Variants in ECT2 observed in about 807,000 individuals in gnomAD.
ECT2 encodes the protein epithelial cell transforming 2, also known as protein ECT2.
ECT2 carries 61 observed loss-of-function variants against 116.9 expected under a neutral mutation model. The ratio of observed to expected loss-of-function variants is 0.52; its 90% CI spans 0.42 to 0.65. The LOEUF is 0.65. ECT2 is among the 30% of genes least tolerant of loss of function. The pLI is 0.00. For missense variants in ECT2, 937 were observed against 1,078.7 expected (o/e 0.87, Z 1.84); for synonymous variants, 358 against 346.4 (o/e 1.03, Z -0.37).
intron 14 of ECT2, among the ~76,000 whole-genome samples, chr3:172,776,175 A>G (rs996968149): frequency 5.9e-4 from 87 of 146,642 alleles, no homozygotes; most frequent in African/African-American, 2.1e-3. Context: ...ATGGTACTTC[A>G]ACTATTAGTT....
chr3:172,759,184 A>T (rs1396776433), intron 6 of ECT2, 115 bp downstream of exon 6: 2 of 671,174 alleles, frequency 3.0e-6, no homozygotes, highest in African/African-American at 3.7e-5. Context: ...AGGATAACTT[A>T]TTATGGCTAT....
chr3:172,768,350 G>A (rs1015885522), intron 12 of ECT2, among the ~76,000 whole-genome samples: 3 of 152,022 alleles, frequency 2.0e-5, no homozygotes, highest in Admixed American at 2.0e-4. Flanking sequence ...ATTCTGCCAT[G>A]TTTGCTTTAG....
At chr3:172,793,352 A>T (rs939955476) in intron 18 of ECT2, among the ~76,000 whole-genome samples, 2 of 151,748 alleles carry the variant, frequency 1.3e-5, no homozygotes, top group African/African-American at 2.4e-5. Context: ...TTTAGTAGAG[A>T]CGGGGTTTCC....
chr3:172,824,903 T>C (rs1394666120), downstream of ECT2, among the ~76,000 whole-genome samples: 2 of 152,138 alleles, frequency 1.3e-5, no homozygotes, highest in Non-Finnish European at 2.9e-5. Context: ...AAAAACTACA[T>C]GTGGGATTAC....
At chr3:172,794,174 C>T (rs1038755766) in intron 18 of ECT2, among the ~76,000 whole-genome samples, 2 of 150,816 alleles carry the variant, frequency 1.3e-5, no homozygotes, top group African/African-American at 2.5e-5. Context: ...TTGTCTAACC[C>T]AAGGTCACAA....
At chr3:172,809,344 A>C (rs1396978027) in intron 22 of ECT2, among the ~76,000 whole-genome samples, 1 of 152,164 alleles carries the variant, frequency 6.6e-6, no homozygotes, top group Non-Finnish European at 1.5e-5. Context: ...TTCATAAGTA[A>C]AATTAGCCAC....
intron 22 of ECT2, among the ~76,000 whole-genome samples, chr3:172,811,307 C>T (rs1728734952): frequency 6.6e-6 from 1 of 152,082 alleles, no homozygotes; most frequent in African/African-American, 2.4e-5. Flanking sequence ...TGCACTTTTG[C>T]CTGTGATTTA....
intron 5 of ECT2, 92 bp from the exon 6 acceptor site, chr3:172,758,888 A>G (rs1235523476): frequency 1.0e-5 from 11 of 1,102,242 alleles, no homozygotes; most frequent in Non-Finnish European, 1.5e-5. Flanking sequence ...TTGAATGGCA[A>G]GAGGGGAAAT....
intron 2 of ECT2, 31 bp downstream of exon 2, chr3:172,754,691 A>G (rs750066658): frequency 6.6e-7 from 1 of 1,517,906 alleles, no homozygotes; most frequent in East Asian, 2.3e-5. Flanking sequence ...AAAACAATCA[A>G]TTTCTATTTT....
chr3:172,786,212 CTT>C (rs1360390688), intron 17 of ECT2, among the ~76,000 whole-genome samples: 1 of 152,064 alleles, frequency 6.6e-6, no homozygotes. Context: ...TATGGAGAGA[CTT>C]TGAGGAATTT....
chr3:172,760,092 A>G, intron 6 of ECT2, 64 bp from the exon 7 acceptor site: 4 of 1,035,262 alleles, frequency 3.9e-6, no homozygotes, highest in Non-Finnish European at 5.7e-6. Flanking sequence ...ATGTGGGGTA[A>G]ACATAGTTTA....
At chr3:172,753,444 CT>C (rs1198695109) in intron 1 of ECT2, among the ~76,000 whole-genome samples, 3 of 152,278 alleles carry the variant, frequency 2.0e-5, no homozygotes, top group African/African-American at 7.2e-5. Context: ...CTTTTAAACT[CT>C]TCTTAAGTCC....
intron 18 of ECT2, among the ~76,000 whole-genome samples, chr3:172,794,168 C>T: frequency 6.6e-6 from 1 of 151,926 alleles, no homozygotes; most frequent in Non-Finnish European, 1.5e-5. Flanking sequence ...AAATATTTGT[C>T]TAACCCAAGG....
chr3:172,785,426 G>A (rs955496251), intron 17 of ECT2, among the ~76,000 whole-genome samples: 26 of 151,406 alleles, frequency 1.7e-4, no homozygotes, highest in African/African-American at 5.8e-4. Flanking sequence ...AATTATAGCC[G>A]GTAATCCCAG....
chr3:172,827,746 C>T, the ECT2 span, among the ~76,000 whole-genome samples: 1 of 152,092 alleles, frequency 6.6e-6, no homozygotes, highest in Non-Finnish European at 1.5e-5. Flanking sequence ...TAACAATAAA[C>T]GTTAAAACGT....
At chr3:172,765,673 T>C (rs1719233965) in intron 12 of ECT2, among the ~76,000 whole-genome samples, 1 of 152,202 alleles carries the variant, frequency 6.6e-6, no homozygotes, top group African/African-American at 2.4e-5. Flanking sequence ...AGAAAAATCT[T>C]TAAAAATATA....
Position 172,810,272 on chromosome 3 carries a change from A to C in ECT2, c.2400+2348A>C, listed in dbSNP as rs750633634. 7.3e-4 allele frequency among the ~76,000 whole-genome samples: 111 copies of C among 152,112 alleles called. 2 individuals are homozygous for C. The highest frequency in any genetic ancestry group is 3.4e-4 in the Non-Finnish European group (23 of 67,974). ...ATTTAGTACTTTTGCCGCTACCTTT[A>C]TATTTCTTTTGAAATTTTTCAAAAC... On this transcript the variant is annotated intron_variant, in intron 22 of 24. Transcript: ENST00000392692.
At chr3:172,809,094 T>A (rs1048706744) in intron 22 of ECT2, among the ~76,000 whole-genome samples, 1 of 152,110 alleles carries the variant, frequency 6.6e-6, no homozygotes, top group African/African-American at 2.4e-5. Flanking sequence ...TAGGTATCCA[T>A]CCACTTTTTC....
Position 172,762,509 on chromosome 3 carries a change from A to G in ECT2, c.852A>G (p.Glu284=), listed in dbSNP as rs2108317490. The change falls in exon 9 of 25, where the codon GAA becomes GAG. Residue 284 remains glutamate, a synonymous_variant. Coordinates refer to ENST00000392692, the MANE Select transcript of ECT2 (RefSeq NM_001258315.2). ...CILSFLGFSD[E]EKTNMEEMTE... Reference sequence around the variant, plus strand: ...TAAGTTTCCTGGGATTTTCAGATGAAGAGAAAACCAATATGGAAGAAATGA... The same window carrying G: ...TAAGTTTCCTGGGATTTTCAGATGAGGAGAAAACCAATATGGAAGAAATGA... The G allele has an allele frequency of 5.6e-6, 9 of 1,595,698 alleles. No individual in the cohort carries two copies. Among genetic ancestry groups the G allele is most frequent in the Non-Finnish European group, 7.7e-6 (9 of 1,175,728 alleles).
Sources: gnomAD v4.1 joint callset for allele counts (sites outside exome capture counted in the v4.1 genomes callset) on GRCh38, gnomAD v4.1.1 for gene constraint, MANE v1.5 for transcripts, NCBI Gene and HGNC (gene_info 2026-07-23, HGNC 2026-07-21) for gene names.